The following NRF1 variants were observed in gnomAD, a reference collection of about 807,000 sequenced individuals.
NRF1 encodes the protein nuclear respiratory factor 1, also known as alpha palindromic-binding protein.
NRF1 carries 5 observed loss-of-function variants against 58.5 expected under a neutral mutation model. That is an observed-to-expected ratio of 0.09 (90% CI 0.04 to 0.18). The LOEUF (loss-of-function observed/expected upper bound fraction) is 0.18, where lower values mean the gene tolerates loss of function less well. Among genes scored for constraint, NRF1 ranks in the 10% least tolerant of loss-of-function variants. The pLI is 1.00. For missense variants in NRF1, 288 were observed against 657.7 expected (o/e 0.44, Z 6.15); for synonymous variants, 224 against 246.7 (o/e 0.91, Z 0.86).
chr7:129,685,386 C>A (rs1410930247), intron 4 of NRF1, among the ~76,000 whole-genome samples: 1 of 152,096 alleles, frequency 6.6e-6, no homozygotes, highest in Non-Finnish European at 1.5e-5. Context: ...CAGAGCAAGA[C>A]CTTGTTTCAA....
intron 5 of NRF1, among the ~76,000 whole-genome samples, chr7:129,705,632 G>A (rs1802930892): frequency 6.6e-6 from 1 of 152,050 alleles, no homozygotes; most frequent in Non-Finnish European, 1.5e-5. Context: ...TAAGAGAAGT[G>A]AGTCTGAGTG....
chr7:129,676,926 T>A (rs540225943), intron 3 of NRF1, among the ~76,000 whole-genome samples: 2 of 151,544 alleles, frequency 1.3e-5, no homozygotes, highest in East Asian at 3.9e-4. Context: ...CAATAAAAGA[T>A]AGTAAAAGCA....
intron 1 of NRF1, 86 bp downstream of exon 1, chr7:129,611,910 C>T (rs1800537197): frequency 6.7e-6 from 1 of 148,796 alleles, no homozygotes; most frequent in African/African-American, 2.4e-5. Context: ...GCCGGCCCGC[C>T]CCGCAGCCGG....
At chr7:129,612,163 C>T (rs555578140) in intron 1 of NRF1, among the ~76,000 whole-genome samples, 1 of 150,968 alleles carries the variant, frequency 6.6e-6, no homozygotes, top group South Asian at 2.1e-4. Flanking sequence ...AACCCGGGGC[C>T]CGGCCTTCCC....
chr7:129,653,076 G>C (rs1344252414), intron 1 of NRF1, among the ~76,000 whole-genome samples: 1 of 152,138 alleles, frequency 6.6e-6, no homozygotes, highest in African/African-American at 2.4e-5. Flanking sequence ...TTGCAGAACT[G>C]AAACTCTGTA....
At chr7:129,728,550 T>G (rs1441560279) in intron 10 of NRF1, among the ~76,000 whole-genome samples, 1 of 150,368 alleles carries the variant, frequency 6.7e-6, no homozygotes, top group Non-Finnish European at 1.5e-5. Context: ...AGGCAGAAGG[T>G]TCCTTAATGG....
At chr7:129,629,149 T>C (rs1324441795) in intron 1 of NRF1, among the ~76,000 whole-genome samples, 2 of 152,198 alleles carry the variant, frequency 1.3e-5, no homozygotes, top group Non-Finnish European at 2.9e-5. Context: ...TTTGAGAAAA[T>C]GTCTGTCAAA....
At position 129,611,769 on chromosome 7, in the gene NRF1, G is replaced by C. The variant is rs933129338; in HGVS notation, c.-62G>C. ...CGCTGGTGGCAGGAGGCTGCGAGGA[G>C]CCGGCGCGGTCGCAGTCTCCACGGC... On this transcript the variant is annotated 5_prime_UTR_variant, in exon 1 of 11. Coordinates refer to ENST00000393232, the MANE Select transcript of NRF1 (RefSeq NM_005011.5). The C allele has an allele frequency of 2.7e-5, 8 of 291,984 alleles. No homozygotes were observed. The highest frequency in any genetic ancestry group is 1.5e-4 in the African/African-American group (7 of 45,982). 18.1% of individuals were successfully genotyped at this position (291,984 alleles called of 1,614,324 possible). A position where few individuals can be genotyped will look rare whatever the true frequency, so the allele number is the denominator to read the frequency against.
intron 10 of NRF1, among the ~76,000 whole-genome samples, chr7:129,745,658 C>G (rs1281176331): frequency 6.6e-6 from 1 of 152,132 alleles, no homozygotes; most frequent in African/African-American, 2.4e-5. Flanking sequence ...GCCTTCTTGG[C>G]AGGGTCAACA....
intron 4 of NRF1, among the ~76,000 whole-genome samples, chr7:129,683,438 C>T (rs911678450): frequency 6.6e-6 from 1 of 151,028 alleles, no homozygotes; most frequent in African/African-American, 2.4e-5. Context: ...AAGTGATTCT[C>T]CCTGCTTCAG....
rs1331076840 is a variant in NRF1, at chr7:129,755,355, C to T, written c.*174C>T. The stretch of plus-strand genomic sequence containing the variant: ...TGGAATTGCATTTTTTAAAGCACCA[C>T]TCTTGATTTTCTGGGATTGGTGAAG... On this transcript the variant is annotated 3_prime_UTR_variant, in exon 11 of 11. Coordinates refer to ENST00000393232, the MANE Select transcript of NRF1 (RefSeq NM_005011.5). This position sits in a 1 kb window ranked among gnomAD's most constrained non-coding sequence, Gnocchi z 5.8. 8.1e-6 allele frequency: 5 copies of T among 613,720 alleles called. No homozygotes were observed. The highest frequency in any genetic ancestry group is 7.7e-5 in the African/African-American group (4 of 51,824). The allele number at this position is 613,720 out of a possible 1,614,324, so 38.0% of individuals were successfully genotyped here. A position where few individuals can be genotyped will look rare whatever the true frequency, so the allele number is the denominator to read the frequency against.
At chr7:129,673,672 G>A (rs1487425412) in intron 3 of NRF1, among the ~76,000 whole-genome samples, 6 of 137,238 alleles carry the variant, frequency 4.4e-5, no homozygotes, top group Non-Finnish European at 9.1e-5. Flanking sequence ...AGCGGAGATC[G>A]CGCCACAGCA....
chr7:129,680,599 ATATTAT>A (rs1247994385), intron 4 of NRF1, among the ~76,000 whole-genome samples: 3 of 152,248 alleles, frequency 2.0e-5, no homozygotes, highest in Non-Finnish European at 4.4e-5. Flanking sequence ...ATAGGATGGA[ATATTAT>A]TCAGCAAGAA....
intron 4 of NRF1, among the ~76,000 whole-genome samples, chr7:129,689,833 A>G (rs1806626): frequency 0.13 from 19,521 of 152,196 alleles, 1,613 homozygotes; most frequent in Admixed American, 0.23. Context: ...CCTTACCAGT[A>G]GTGGCACTCA....
At chr7:129,716,183 AAG>A (rs199822498) in intron 8 of NRF1, among the ~76,000 whole-genome samples, 1,794 of 152,264 alleles carry the variant, frequency 0.012, 12 homozygotes, top group Non-Finnish European at 0.019. Flanking sequence ...AGGGAGTAGA[AAG>A]GGGAAATGGG....
intron 1 of NRF1, among the ~76,000 whole-genome samples, chr7:129,619,490 G>GTGTGTATATATATA (rs1422472177): frequency 2.5e-4 from 12 of 48,610 alleles, no homozygotes; most frequent in African/African-American, 1.2e-3. Context: ...GTGTGTGTGT[G>GTGTGTATATATATA]TATATATATA....
chr7:129,683,333 G>T (rs907286352), intron 4 of NRF1, among the ~76,000 whole-genome samples: 1 of 150,738 alleles, frequency 6.6e-6, no homozygotes, highest in Non-Finnish European at 1.5e-5. Flanking sequence ...GAGAGAGAGA[G>T]AGAGAGAGAG....
chr7:129,720,608 C>T (rs879043881), intron 9 of NRF1, among the ~76,000 whole-genome samples: 2 of 152,036 alleles, frequency 1.3e-5, no homozygotes, highest in Admixed American at 1.3e-4. Context: ...CAGATGTGGG[C>T]GCAGGGTGAG....
chr7:129,626,127 CTTAATT>C (rs1314072746), intron 1 of NRF1, among the ~76,000 whole-genome samples: 1 of 152,168 alleles, frequency 6.6e-6, no homozygotes, highest in Non-Finnish European at 1.5e-5. Flanking sequence ...GCTGAATTGC[CTTAATT>C]TTAAGACAGG....
Sources: gnomAD v4.1 joint callset for allele counts (sites outside exome capture counted in the v4.1 genomes callset) on GRCh38, gnomAD v4.1.1 for gene constraint, Gnocchi (gnomAD v3.1) non-coding constraint, MANE v1.5 for transcripts, NCBI Gene and HGNC (gene_info 2026-07-23, HGNC 2026-07-21) for gene names.